The following TBCB variants were observed in gnomAD, a reference collection of about 807,000 sequenced individuals.
TBCB encodes the protein tubulin folding cofactor B.
TBCB carries 18 observed loss-of-function variants against 29.2 expected under a neutral mutation model. That is an observed-to-expected ratio of 0.62 (90% CI 0.43 to 0.91). The LOEUF is 0.91. TBCB is among the 40% of genes least tolerant of loss of function. TBCB has a pLI of 0.00. For missense variants in TBCB, 336 were observed against 337.6 expected, an observed-to-expected ratio of 1.00 and a Z score of 0.04; for synonymous variants, 172 against 137.8, an observed-to-expected ratio of 1.25 and a Z score of -1.74.
intron 1 of TBCB, 141 bp downstream of exon 1, chr19:36,115,815 C>CGGCGG (rs1192727604): frequency 2.7e-5 from 29 of 1,077,444 alleles, no homozygotes; most frequent in Non-Finnish European, 3.5e-5. Flanking sequence ...GACCCGGTCG[C>CGGCGG]GGCGGGGCGG....
intron 4 of TBCB, chr19:36,121,938 G>C (rs1974061781): frequency 1.6e-6 from 1 of 638,280 alleles, no homozygotes; most frequent in Admixed American, 3.0e-5. Flanking sequence ...GGAGTGATCT[G>C]TCCAGCGAGG....
rs1270463186 is a variant in TBCB at position 36,120,910 on chromosome 19, G to A, written c.355+104G>A. The A allele has an allele frequency of 3.2e-5, 34 of 1,060,086 alleles. No homozygotes were observed. The East Asian group carries it at 4.5e-4, about 14-fold the overall frequency. 65.7% of individuals were successfully genotyped at this position (1,060,086 alleles called of 1,614,324 possible). A position where few individuals can be genotyped will look rare whatever the true frequency, so the allele number is the denominator to read the frequency against. ...GGGCCCCTGCAGGGAGGCCAGTGGT[G>A]TAGACGGGGGGCCGAGAGCTTGGGA... On this transcript the variant is annotated intron_variant, in intron 3 of 5. Coordinates refer to ENST00000221855, the MANE Select transcript of TBCB (RefSeq NM_001281.3).
intron 2 of TBCB, chr19:36,120,364 G>A (rs1001621464): frequency 3.9e-6 from 1 of 256,002 alleles, no homozygotes; most frequent in Non-Finnish European, 7.7e-6. Flanking sequence ...GAGTCCCAGA[G>A]GCCCATCGAG....
In TBCB at chr19:36,116,129, A is replaced by G. The variant is rs1973949046; in HGVS notation, c.203A>G (p.Asp68Gly). ...GACGACAAGTTCTACAGCAAGCTGGATCAAGAGGATGCGCTCCTGGGCTCC... is the reference window on the plus strand; with the variant it reads ...GACGACAAGTTCTACAGCAAGCTGGGTCAAGAGGATGCGCTCCTGGGCTCC... ...GVDDKFYSKLDQEDALLGSYP... is the reference protein window; with the variant it reads ...GVDDKFYSKLGQEDALLGSYP... The change falls in exon 2 of 6, where the codon GAT becomes GGT. Residue 68 changes from aspartate to glycine, a missense_variant. Asp to Gly is a moderately conservative substitution (Grantham distance 94). Transcript: ENST00000221855. 1.2e-6 allele frequency: 2 copies of G among 1,614,174 alleles called. No individual in the cohort carries two copies. The highest frequency in any genetic ancestry group is 1.7e-6 in the Non-Finnish European group (2 of 1,180,034).
chr19:36,121,104 G>A (rs1255197353), intron 3 of TBCB, among the ~76,000 whole-genome samples: 1 of 150,622 alleles, frequency 6.6e-6, no homozygotes, highest in Non-Finnish European at 1.5e-5. Flanking sequence ...GTCAGATGGG[G>A]GCATGGGGCG....
chr19:36,125,363 G>T (rs867622440), intron 4 of TBCB, 88 bp from the exon 5 acceptor site: 2 of 1,407,530 alleles, frequency 1.4e-6, no homozygotes, highest in Middle Eastern at 3.6e-4. Flanking sequence ...TACTCAATGG[G>T]TAGGCATGGA....
chr19:36,122,212 C>A, intron 4 of TBCB: 1 of 201,182 alleles, frequency 5.0e-6, no homozygotes, highest in Non-Finnish European at 1.0e-5. Flanking sequence ...GGAAGGGGAG[C>A]GGGAGGAGAG....
intron 4 of TBCB, 42 bp from the exon 5 acceptor site, chr19:36,125,409 C>T: frequency 6.2e-7 from 1 of 1,605,728 alleles, no homozygotes; most frequent in Non-Finnish European, 8.5e-7. Flanking sequence ...GGGATTTCTT[C>T]TATGTCCAGA....
chr19:36,121,478 GT>G, intron 3 of TBCB, 48 bp from the exon 4 acceptor site: 1 of 1,521,454 alleles, frequency 6.6e-7, no homozygotes, highest in Non-Finnish European at 8.8e-7. Flanking sequence ...GCGTCATCCT[GT>G]TAGGCCCGGC....
intron 4 of TBCB, among the ~76,000 whole-genome samples, chr19:36,123,198 A>G (rs1478288154): frequency 1.3e-5 from 2 of 151,412 alleles, no homozygotes; most frequent in Admixed American, 6.6e-5. Context: ...GTTAGTGGAC[A>G]TTAGGGTCAT....
At chr19:36,117,988 A>G (rs888474493) in intron 2 of TBCB, 1 of 151,230 alleles carries the variant, frequency 6.6e-6, no homozygotes, top group African/African-American at 2.4e-5. Flanking sequence ...CTGGTCTCGA[A>G]CTCCTGACCT....
Position 36,125,906 on chromosome 19 carries a change from T to C in TBCB, c.*124T>C, listed in dbSNP as rs1974131815. The stretch of plus-strand genomic sequence containing the variant: ...ATTCATTTTTTCCTTTGCCATTGAT[T>C]TTTGAGACTCATGCATTAAATTCAC... On this transcript the variant is annotated 3_prime_UTR_variant, in exon 6 of 6. Coordinates refer to ENST00000221855, the MANE Select transcript of TBCB (RefSeq NM_001281.3). The C allele has an allele frequency of 7.3e-6, 5 of 683,760 alleles. No homozygotes were observed. The allele number at this position is 683,760 out of a possible 1,614,324, so 42.4% of individuals were successfully genotyped here. A position where few individuals can be genotyped will look rare whatever the true frequency, so the allele number is the denominator to read the frequency against.
At chr19:36,122,991 AT>A (rs1353583407) in intron 4 of TBCB, among the ~76,000 whole-genome samples, 3 of 151,956 alleles carry the variant, frequency 2.0e-5, no homozygotes, top group Non-Finnish European at 1.5e-5. Context: ...TCAGCCACTA[AT>A]TTACGTCTGT....
At chr19:36,122,452 A>G (rs944111976) in intron 4 of TBCB, among the ~76,000 whole-genome samples, 1 of 151,452 alleles carries the variant, frequency 6.6e-6, no homozygotes, top group South Asian at 2.1e-4. Flanking sequence ...CTCAAAAAAA[A>G]GGCTGGGTGC....
At position 36,125,833 on chromosome 19, in the gene TBCB, C is replaced by T. The variant is rs774142386; in HGVS notation, c.*51C>T. On this transcript the variant is annotated 3_prime_UTR_variant, in exon 6 of 6. Transcript: ENST00000221855. ...CTCCTAGCTCAGCCACTGACTGCCC[C>T]TCCTGTGTGTGCCCATGGCCCTTTT... 6.7e-6 allele frequency: 9 copies of T among 1,345,756 alleles called. No homozygotes were observed. The Admixed American group carries it at 1.5e-4, about 23-fold the overall frequency. 83.4% of individuals were successfully genotyped at this position (1,345,756 alleles called of 1,614,324 possible).
At chr19:36,117,376 C>T (rs947237438) in intron 2 of TBCB, among the ~76,000 whole-genome samples, 1 of 152,140 alleles carries the variant, frequency 6.6e-6, no homozygotes, top group African/African-American at 2.4e-5. Flanking sequence ...CAGAGTTTTG[C>T]CCTTGTTCCC....
chr19:36,115,883 G>T (rs895412800), intron 1 of TBCB, 158 bp from the exon 2 acceptor site: 4 of 1,217,740 alleles, frequency 3.3e-6, no homozygotes, highest in East Asian at 2.4e-5. Flanking sequence ...AAAATCCGAC[G>T]GTCCAGAGGG....
chr19:36,120,226 G>A (rs1974021475), intron 2 of TBCB, among the ~76,000 whole-genome samples: 1 of 152,198 alleles, frequency 6.6e-6, no homozygotes, highest in African/African-American at 2.4e-5. Context: ...GTGCGTCTGT[G>A]TTTACACTGA....
At chr19:36,117,611 C>A (rs1251595500) in intron 2 of TBCB, among the ~76,000 whole-genome samples, 1 of 151,936 alleles carries the variant, frequency 6.6e-6, no homozygotes, top group Non-Finnish European at 1.5e-5. Context: ...CTCAGCCTCG[C>A]AAAGTGCTGG....
Sources: allele counts gnomAD v4.1 joint callset (sites outside exome capture counted in the v4.1 genomes callset), GRCh38; gene constraint gnomAD v4.1.1; transcripts MANE v1.5; gene names NCBI Gene and HGNC (gene_info 2026-07-23, HGNC 2026-07-21).